XRCC4: variants seen among roughly 807,000 people sequenced by gnomAD.
The protein encoded by XRCC4 is X-ray repair cross complementing 4.
Under a neutral mutation model 39.1 loss-of-function variants are expected in XRCC4, and 28 were observed. The observed-to-expected ratio is 0.72, with a 90% CI of 0.53 to 0.98. The LOEUF (loss-of-function observed/expected upper bound fraction) is 0.98, where lower values mean the gene tolerates loss of function less well. XRCC4 is among the 50% of genes least tolerant of loss of function. The pLI is 0.00. For missense variants in XRCC4, 350 were observed against 376.4 expected, an observed-to-expected ratio of 0.93 and a Z score of 0.58; for synonymous variants, 123 against 126.4, an observed-to-expected ratio of 0.97 and a Z score of 0.18.
At chr5:83,299,846 TGTTA>T (rs28360286) in intron 7 of XRCC4, among the ~76,000 whole-genome samples, 2,009 of 152,292 alleles carry the variant, frequency 0.013, 36 homozygotes, top group African/African-American at 0.042. Flanking sequence ...TTGCTGTCTC[TGTTA>T]GTTATAATAT....
At chr5:83,142,176 A>G (rs1748210537) in intron 3 of XRCC4, among the ~76,000 whole-genome samples, 1 of 152,184 alleles carries the variant, frequency 6.6e-6, no homozygotes. Context: ...TCTGTGCTTA[A>G]TAATGAAAGT....
intron 3 of XRCC4, among the ~76,000 whole-genome samples, chr5:83,113,142 A>T (rs1336134001): frequency 1.3e-5 from 2 of 152,248 alleles, no homozygotes; most frequent in South Asian, 2.1e-4. Flanking sequence ...GGGTACAGGC[A>T]TTGGGTAAAC....
chr5:83,279,076 T>TA (rs1382916963), intron 7 of XRCC4, among the ~76,000 whole-genome samples: 2 of 145,264 alleles, frequency 1.4e-5, no homozygotes, highest in Non-Finnish European at 3.0e-5. Flanking sequence ...TAATAAAATA[T>TA]AATATATTAT....
At chr5:83,354,572 A>G (rs1176379631), downstream of XRCC4, among the ~76,000 whole-genome samples, 4 of 152,208 alleles carry the variant, frequency 2.6e-5, no homozygotes, top group Admixed American at 2.6e-4. Context: ...TTAAATCTTG[A>G]TACATCTTGG....
At position 83,203,640 on chromosome 5, in the gene XRCC4, A is replaced by T. The variant is rs759976265; in HGVS notation, c.571A>T (p.Ile191Phe). 6.2e-7 allele frequency: 1 copy of T among 1,612,290 alleles called. No homozygotes were observed. Residue 191 changes from isoleucine to phenylalanine, a missense_variant, in exon 5 of 8, where the codon ATC becomes TTC. By Grantham distance (21) the Ile-to-Phe change is conservative (BLOSUM62 0). Coordinates refer to ENST00000396027, the MANE Select transcript of XRCC4 (RefSeq NM_003401.5). The part of the protein sequence containing the change: ...ILVLNEKKTK[I>F]RSLHNKLLNA... The stretch of plus-strand genomic sequence containing the variant: ...GGTGTTGAATGAGAAGAAAACAAAA[A>T]TCAGAAGTTTGCATAATAAATTATT...
At chr5:83,346,687 A>C (rs1164220186) in intron 7 of XRCC4, among the ~76,000 whole-genome samples, 1 of 152,212 alleles carries the variant, frequency 6.6e-6, no homozygotes. Context: ...CAACAAGTAC[A>C]GTATTGATTA....
chr5:83,196,029 G>A (rs575472414), intron 4 of XRCC4, 93 bp downstream of exon 4: 12 of 1,306,548 alleles, frequency 9.2e-6, no homozygotes, highest in Non-Finnish European at 1.1e-5. Context: ...TCCAATATAT[G>A]TGGATTAGCA....
intron 6 of XRCC4, among the ~76,000 whole-genome samples, chr5:83,229,659 CTTTTTTT>C (rs61356475): frequency 1.6e-4 from 17 of 103,700 alleles, no homozygotes; most frequent in Admixed American, 7.0e-4. Flanking sequence ...AATGTTTAAA[CTTTTTTT>C]TTTTTTTTTT....
Position 83,241,734 on chromosome 5 carries a change from G to A in XRCC4, c.746-16796G>A, listed in dbSNP as rs146900688. ...GCCTACTGTTGACCACAGCCTCACC[G>A]ATAACATAAACAGTCATTTAACACA... On this transcript the variant is annotated intron_variant, in intron 6 of 7. Transcript: ENST00000396027. Among the ~76,000 whole-genome samples the A allele has an allele frequency of 5.3e-5, 8 of 152,112 alleles. No individual in the cohort carries two copies. The East Asian group carries it at 9.7e-4, about 18-fold the overall frequency.
chr5:83,195,418 T>C (rs1196202709), intron 3 of XRCC4, among the ~76,000 whole-genome samples: 1 of 152,188 alleles, frequency 6.6e-6, no homozygotes, highest in Non-Finnish European at 1.5e-5. Context: ...AAAATTATCA[T>C]ATATAATTCC....
In XRCC4 at chr5:83,204,343, T is replaced by A. The variant is rs28360151; in HGVS notation, c.639-472T>A. 6.2e-3 allele frequency among the ~76,000 whole-genome samples: 941 copies of A among 152,284 alleles called. 11 individuals are homozygous for A. Among genetic ancestry groups the A allele is most frequent in the African/African-American group, 0.022 (904 of 41,570 alleles). The stretch of plus-strand genomic sequence containing the variant: ...TAGTATAAAAAAATTTGATATCAGC[T>A]AGTCCTAGCACAGGTACTGGTCTTG... On this transcript the variant is annotated intron_variant, in intron 5 of 7. Coordinates refer to ENST00000396027, the MANE Select transcript of XRCC4 (RefSeq NM_003401.5).
intron 7 of XRCC4, among the ~76,000 whole-genome samples, chr5:83,305,136 CA>C (rs1263047235): frequency 6.6e-6 from 1 of 151,958 alleles, no homozygotes; most frequent in Non-Finnish European, 1.5e-5. Flanking sequence ...TTTAGATTTA[CA>C]AAAAAGTTGA....
intron 3 of XRCC4, among the ~76,000 whole-genome samples, chr5:83,123,200 T>C (rs1251620452): frequency 6.6e-6 from 1 of 152,116 alleles, no homozygotes; most frequent in Non-Finnish European, 1.5e-5. Context: ...CATTACTTCA[T>C]GTATTTTGAG....
At chr5:83,188,738 C>G (rs1280071968) in intron 3 of XRCC4, among the ~76,000 whole-genome samples, 1 of 152,032 alleles carries the variant, frequency 6.6e-6, no homozygotes, top group Non-Finnish European at 1.5e-5. Flanking sequence ...ACAGATTTGG[C>G]AGTTTTCAGC....
intron 3 of XRCC4, among the ~76,000 whole-genome samples, chr5:83,155,782 TA>T (rs1268327541): frequency 1.3e-5 from 2 of 152,066 alleles, no homozygotes; most frequent in African/African-American, 4.8e-5. Flanking sequence ...AGACAAAACC[TA>T]AAAAAACTGT....
At chr5:83,188,300 G>A (rs1750545341) in intron 3 of XRCC4, among the ~76,000 whole-genome samples, 1 of 152,132 alleles carries the variant, frequency 6.6e-6, no homozygotes, top group African/African-American at 2.4e-5. Context: ...CTTTTGGACT[G>A]AGGGCCTCAG....
At position 83,274,549 on chromosome 5, in the gene XRCC4, T is replaced by C. The variant is rs190392787; in HGVS notation, c.893+15872T>C. On this transcript the variant is annotated intron_variant, in intron 7 of 7. Coordinates refer to ENST00000396027, the MANE Select transcript of XRCC4 (RefSeq NM_003401.5). The stretch of plus-strand genomic sequence containing the variant: ...TGTGAAACAAGTGAAAAAGAATAAA[T>C]AAACATGGACACATTGTAAAATAAT... 2.7e-3 allele frequency among the ~76,000 whole-genome samples: 404 copies of C among 152,162 alleles called. 3 individuals carry two copies. Among genetic ancestry groups the C allele is most frequent in the African/African-American group, 9.4e-3 (391 of 41,506 alleles).
At chr5:83,186,809 A>G (rs1750459695) in intron 3 of XRCC4, among the ~76,000 whole-genome samples, 2 of 152,196 alleles carry the variant, frequency 1.3e-5, no homozygotes, top group African/African-American at 2.4e-5. Flanking sequence ...AAAGTTCAAT[A>G]TAGGTCTCAC....
intron 4 of XRCC4, 136 bp downstream of exon 4, chr5:83,196,072 A>G (rs1463759009): frequency 1.2e-6 from 1 of 853,980 alleles, no homozygotes; most frequent in Non-Finnish European, 1.6e-6. Flanking sequence ...ATATGATTAA[A>G]CGAAATTATT....
Sources: allele counts gnomAD v4.1 joint callset (sites outside exome capture counted in the v4.1 genomes callset), GRCh38; gene constraint gnomAD v4.1.1; transcripts MANE v1.5; gene names NCBI Gene and HGNC (gene_info 2026-07-23, HGNC 2026-07-21).